Variants in ARHGAP32 observed in about 807,000 individuals in gnomAD.
ARHGAP32 encodes the protein rho GTPase-activating protein 32.
ARHGAP32 carries 51 observed loss-of-function variants against 186.5 expected under a neutral mutation model. The ratio of observed to expected loss-of-function variants is 0.27; its 90% CI spans 0.22 to 0.35. ARHGAP32 has a LOEUF of 0.35. Among genes scored for constraint, ARHGAP32 ranks in the 10% least tolerant of loss-of-function variants. ARHGAP32 has a pLI of 1.00. For synonymous variants in ARHGAP32, 950 were observed against 964.3 expected, an observed-to-expected ratio of 0.99 and a Z score of 0.27; for missense variants, 2,186 against 2,623.5, an observed-to-expected ratio of 0.83 and a Z score of 3.64.
intron 10 of ARHGAP32, among the ~76,000 whole-genome samples, chr11:129,058,882 G>A (rs1361366968): frequency 1.3e-5 from 2 of 152,158 alleles, no homozygotes; most frequent in African/African-American, 2.4e-5. Flanking sequence ...AGGAGCACAC[G>A]CTTACAATTT....
intron 1 of ARHGAP32, among the ~76,000 whole-genome samples, chr11:129,243,566 T>C (rs1945048806): frequency 6.6e-6 from 1 of 152,136 alleles, no homozygotes; most frequent in South Asian, 2.1e-4. Context: ...TAAAACATAG[T>C]TCTCATCAAG....
upstream of ARHGAP32, among the ~76,000 whole-genome samples, chr11:129,194,195 T>G (rs1477387245): frequency 2.0e-5 from 3 of 152,134 alleles, no homozygotes; most frequent in Non-Finnish European, 4.4e-5. Context: ...TAGCAAAATC[T>G]ACCAAAATTC....
chr11:129,253,476 A>G (rs1295454156), intron 1 of ARHGAP32, among the ~76,000 whole-genome samples: 6 of 152,186 alleles, frequency 3.9e-5, no homozygotes, highest in Non-Finnish European at 8.8e-5. Flanking sequence ...TACGCTTTGC[A>G]TGGAGTGCAA....
intron 5 of ARHGAP32, 93 bp from the exon 6 acceptor site, chr11:129,093,800 C>T: frequency 1.2e-6 from 1 of 849,082 alleles, no homozygotes. Context: ...AGCATCATCT[C>T]CGGGTGAGCA....
chr11:129,102,493 G>A (rs2135305710), intron 5 of ARHGAP32, among the ~76,000 whole-genome samples: 1 of 152,140 alleles, frequency 6.6e-6, no homozygotes, highest in Non-Finnish European at 1.5e-5. Context: ...TTCAAAATGA[G>A]GGAACTTCTA....
intron 1 of ARHGAP32, among the ~76,000 whole-genome samples, chr11:129,253,973 G>C (rs950978300): frequency 6.6e-6 from 1 of 152,020 alleles, no homozygotes; most frequent in Admixed American, 6.5e-5. Flanking sequence ...ACTGAAATAG[G>C]ATATAATTAT....
At position 129,011,568 on chromosome 11, in the gene ARHGAP32, G is replaced by C. The variant is rs546562562; in HGVS notation, c.1046-13100C>G. ...AGTGGTATGAAATGAGGCTCAAGGG[G>C]TATGTAAAGGCTGGGAGCATAGGCC... is the stretch of plus-strand genomic sequence containing the variant. On this transcript the variant is annotated intron_variant, in intron 11 of 22. Transcript: ENST00000682385. Among the ~76,000 whole-genome samples, 3 of 152,230 alleles carry C rather than the reference G, an allele frequency of 2.0e-5. No individual in the cohort carries two copies. The East Asian group carries it at 5.8e-4, about 29-fold the overall frequency.
intron 2 of ARHGAP32, among the ~76,000 whole-genome samples, chr11:129,148,271 A>G (rs1220623241): frequency 1.3e-5 from 2 of 152,230 alleles, no homozygotes; most frequent in African/African-American, 4.8e-5. Context: ...TGCACAGGAC[A>G]GGCAAAAAAC....
chr11:129,062,181 A>G (rs1377390472), intron 10 of ARHGAP32, 99 bp downstream of exon 10: 5 of 940,472 alleles, frequency 5.3e-6, no homozygotes, highest in Middle Eastern at 2.1e-4. Flanking sequence ...AAAATTTCTG[A>G]TGACAAAGTC....
intron 1 of ARHGAP32, among the ~76,000 whole-genome samples, chr11:129,274,455 A>T (rs1806972606): frequency 6.6e-6 from 1 of 152,128 alleles, no homozygotes. Context: ...GCGTGGGAAC[A>T]TCAGTGCCCT....
chr11:128,971,806 G>A (rs1945382965), intron 22 of ARHGAP32: 1 of 152,210 alleles, frequency 6.6e-6, no homozygotes, highest in Non-Finnish European at 1.5e-5. Context: ...CCATATAGAA[G>A]AAAAACAACC....
intron 12 of ARHGAP32, among the ~76,000 whole-genome samples, chr11:128,994,141 ACT>A (rs1946135375): frequency 6.7e-6 from 1 of 149,882 alleles, no homozygotes; most frequent in Non-Finnish European, 1.5e-5. Context: ...AAATTGGAAA[ACT>A]CTCTTTCATT....
chr11:129,011,313 C>T (rs957780206), intron 11 of ARHGAP32, among the ~76,000 whole-genome samples: 2 of 152,014 alleles, frequency 1.3e-5, no homozygotes, highest in African/African-American at 2.4e-5. Context: ...ACCAGGATTC[C>T]GAATCAGGGC....
At chr11:129,228,613 A>C (rs377136891) in intron 1 of ARHGAP32, among the ~76,000 whole-genome samples, 4 of 152,156 alleles carry the variant, frequency 2.6e-5, no homozygotes, top group Non-Finnish European at 5.9e-5. Flanking sequence ...AGAAACAGAA[A>C]ATCAAATACC....
chr11:129,022,155 C>G (rs1938621044), intron 11 of ARHGAP32, among the ~76,000 whole-genome samples: 1 of 152,008 alleles, frequency 6.6e-6, no homozygotes, highest in Non-Finnish European at 1.5e-5. Context: ...TCAGGTACAT[C>G]AAAGGTAACA....
intron 6 of ARHGAP32, among the ~76,000 whole-genome samples, chr11:129,087,487 A>G (rs1276740398): frequency 6.6e-6 from 1 of 152,238 alleles, no homozygotes; most frequent in Admixed American, 6.5e-5. Flanking sequence ...AAAGAAGCCA[A>G]TCCAAATGGC....
intron 1 of ARHGAP32, among the ~76,000 whole-genome samples, chr11:129,185,013 A>G (rs1944130205): frequency 6.6e-6 from 1 of 152,214 alleles, no homozygotes; most frequent in Non-Finnish European, 1.5e-5. Flanking sequence ...GGGACTGTAA[A>G]CTAGTTCAAC....
upstream of ARHGAP32, among the ~76,000 whole-genome samples, chr11:129,193,677 A>G (rs1944341118): frequency 2.1e-5 from 1 of 47,546 alleles, no homozygotes; most frequent in Non-Finnish European, 3.9e-5. Context: ...TATATATAAT[A>G]TATAATATAT....
intron 1 of ARHGAP32, among the ~76,000 whole-genome samples, chr11:129,251,843 G>C (rs543607793): frequency 6.6e-6 from 1 of 151,162 alleles, no homozygotes; most frequent in East Asian, 2.0e-4. Context: ...GCTGATGCAG[G>C]AGAACTGTTT....
Sources: gnomAD v4.1 joint callset for allele counts (sites outside exome capture counted in the v4.1 genomes callset) on GRCh38, gnomAD v4.1.1 for gene constraint, MANE v1.5 for transcripts, NCBI Gene and HGNC (gene_info 2026-07-23, HGNC 2026-07-21) for gene names.